Variants in RPS6KA5 observed in about 807,000 individuals in gnomAD.
RPS6KA5 encodes ribosomal protein S6 kinase alpha-5.
A neutral mutation model predicts 85.5 loss-of-function variants in RPS6KA5; 27 were observed. That is an observed-to-expected ratio of 0.32 (90% CI 0.23 to 0.44). RPS6KA5 has a LOEUF of 0.44. Ranked by LOEUF, RPS6KA5 falls within the 20% of genes least tolerant of loss-of-function variation. The pLI is 1.00. For synonymous variants in RPS6KA5, 334 were observed against 348.2 expected (o/e 0.96, Z 0.46); for missense variants, 811 against 980.9 (o/e 0.83, Z 2.31).
At chr14:90,992,872 T>C (rs1218901060) in intron 2 of RPS6KA5, among the ~76,000 whole-genome samples, 4 of 152,358 alleles carry the variant, frequency 2.6e-5, no homozygotes, top group East Asian at 1.9e-4. Flanking sequence ...CTGTGCATGT[T>C]AAACTTTGAG....
At chr14:91,014,302 AC>A (rs1335724256) in intron 1 of RPS6KA5, among the ~76,000 whole-genome samples, 1 of 152,164 alleles carries the variant, frequency 6.6e-6, no homozygotes, top group Non-Finnish European at 1.5e-5. Context: ...AGAGGTCGAG[AC>A]CATCCTAGCC....
intron 9 of RPS6KA5, 147 bp downstream of exon 9, chr14:90,902,661 G>C (rs1174263337): frequency 1.6e-6 from 1 of 618,642 alleles, no homozygotes; most frequent in Non-Finnish European, 2.6e-6. Context: ...GGTTAACAAT[G>C]TGCAATATTT....
chr14:91,000,594 C>G (rs35740021), intron 2 of RPS6KA5, among the ~76,000 whole-genome samples: 1 of 152,038 alleles, frequency 6.6e-6, no homozygotes. Flanking sequence ...GTCAGGAGTT[C>G]GAGACCAACC....
rs143782278 is a variant in RPS6KA5, at chr14:91,011,215, C to T, written c.104-10056G>A. The stretch of plus-strand genomic sequence containing the variant: ...TGGAAACTAAAAAACAGGCCAGGCA[C>T]GGTGGCTCATGCCTGTAATCCAAGC... On this transcript the variant is annotated intron_variant, in intron 1 of 16. Coordinates refer to ENST00000614987, the MANE Select transcript of RPS6KA5 (RefSeq NM_004755.4). Among the ~76,000 whole-genome samples the T allele has an allele frequency of 7.2e-3, 1,100 of 152,222 alleles. 9 individuals carry two copies. Among genetic ancestry groups the T allele is most frequent in the Middle Eastern group, 0.024 (7 of 294 alleles).
intron 4 of RPS6KA5, among the ~76,000 whole-genome samples, chr14:90,944,794 G>A (rs913990971): frequency 2.0e-5 from 3 of 150,928 alleles, no homozygotes; most frequent in African/African-American, 7.3e-5. Context: ...TGGCACACAT[G>A]TAGTCCTAGA....
Position 90,872,174 on chromosome 14 carries a change from G to GA in RPS6KA5, c.2308dup (p.Ser770PhefsTer4). 6.2e-7 allele frequency: 1 copy of GA among 1,613,900 alleles called. No homozygotes were observed. The highest frequency in any genetic ancestry group is 1.1e-5 in the South Asian group (1 of 91,028). ...CTTGGTGGGTGTAGTTTTACCGTGAGAATGAGAGGAAGAAGAATGGGAACT... is the reference window on the plus strand; with the variant it reads ...CTTGGTGGGTGTAGTTTTACCGTGAGAAATGAGAGGAAGAAGAATGGGAACT... On this transcript the variant is annotated frameshift_variant, in exon 17 of 17. Transcript: ENST00000614987. LOFTEE classifies it high-confidence loss of function.
At chr14:91,028,051 C>T (rs1394668630) in intron 1 of RPS6KA5, among the ~76,000 whole-genome samples, 1 of 152,188 alleles carries the variant, frequency 6.6e-6, no homozygotes, top group Admixed American at 6.5e-5. Flanking sequence ...TAATGAAATT[C>T]AAACGACATG....
rs192602517 is a variant in RPS6KA5, at chr14:90,867,813, T to C, written c.*4261A>G. 28 of 152,304 alleles carry C rather than the reference T, an allele frequency of 1.8e-4. No homozygotes were observed. The East Asian group carries it at 4.2e-3, about 23-fold the overall frequency. 9.4% of individuals were successfully genotyped at this position (152,304 alleles called of 1,614,324 possible). On this transcript the variant is annotated 3_prime_UTR_variant, in exon 17 of 17. Coordinates refer to ENST00000614987, the MANE Select transcript of RPS6KA5 (RefSeq NM_004755.4). ...TTCTTATTCCTTTTCACCCTAATAG[T>C]AGGAAAATATTAGGCACCTACTTAA... is the stretch of plus-strand genomic sequence containing the variant.
intron 3 of RPS6KA5, among the ~76,000 whole-genome samples, chr14:90,973,797 G>T (rs1199377394): frequency 6.6e-6 from 1 of 152,088 alleles, no homozygotes; most frequent in Non-Finnish European, 1.5e-5. Flanking sequence ...AGCACTTTGG[G>T]AGGCCAAGGC....
rs2032578121 is a variant in RPS6KA5 at position 90,861,966 on chromosome 14, G to A, written c.*10108C>T. 1 of 150,628 alleles carries A rather than the reference G, an allele frequency of 6.6e-6. No individual in the cohort carries two copies. The highest frequency in any genetic ancestry group is 2.4e-5 in the African/African-American group (1 of 41,022). The allele number at this position is 150,628 out of a possible 1,614,324, so 9.3% of individuals were successfully genotyped here. On this transcript the variant is annotated 3_prime_UTR_variant, in exon 17 of 17. Transcript: ENST00000614987. ...TCCTGCATTGTTGGGAAGTGGTAAT[G>A]TACCAATTTAAGGCAGCAAGTCAAA...
chr14:90,900,143 A>G lies in RPS6KA5; in HGVS notation c.1344T>C (p.Ser448=). Residue 448 remains serine (S), a synonymous_variant, in exon 11 of 17, where the codon AGT becomes AGC. Coordinates refer to ENST00000614987, the MANE Select transcript of RPS6KA5 (RefSeq NM_004755.4). Reference sequence around the variant, plus strand: ...TTATTTTGACTGCAAAAGCTTGGTTACTTTTTTTATGCACACACTTTCGAC... The same window carrying G: ...TTATTTTGACTGCAAAAGCTTGGTTGCTTTTTTTATGCACACACTTTCGAC... The part of the protein sequence containing the change: ...SICRKCVHKK[S]NQAFAVKIIS... 3 of 1,604,878 alleles carry G rather than the reference A, an allele frequency of 1.9e-6. No individual in the cohort carries two copies. Among genetic ancestry groups the G allele is most frequent in the Non-Finnish European group, 2.6e-6 (3 of 1,175,082 alleles).
At chr14:91,048,451 T>G (rs2042953235) in intron 1 of RPS6KA5, among the ~76,000 whole-genome samples, 1 of 152,148 alleles carries the variant, frequency 6.6e-6, no homozygotes, top group Non-Finnish European at 1.5e-5. Flanking sequence ...GAACTTTACT[T>G]CCTCATTCTC....
At chr14:91,041,398 A>G (rs895926984) in intron 1 of RPS6KA5, among the ~76,000 whole-genome samples, 2 of 152,242 alleles carry the variant, frequency 1.3e-5, no homozygotes, top group Admixed American at 1.3e-4. Flanking sequence ...AGAGAGAAAA[A>G]AATCTTTTTC....
At position 90,863,851 on chromosome 14, in the gene RPS6KA5, C is replaced by T. The variant is rs541134162; in HGVS notation, c.*8223G>A. On this transcript the variant is annotated 3_prime_UTR_variant, in exon 17 of 17. Transcript: ENST00000614987. The stretch of plus-strand genomic sequence containing the variant: ...ACATTCAATGCAATACCAATTAAAC[C>T]CTAACATCCTCTGCCCCCAAAACTA... 66 of 152,186 alleles carry T rather than the reference C, an allele frequency of 4.3e-4. No individual in the cohort carries two copies. The highest frequency in any genetic ancestry group is 1.5e-3 in the African/African-American group (62 of 41,530). 9.4% of individuals were successfully genotyped at this position (152,186 alleles called of 1,614,324 possible). A position where few individuals can be genotyped will look rare whatever the true frequency, so the allele number is the denominator to read the frequency against.
chr14:90,933,239 T>A (rs1001720872), intron 5 of RPS6KA5, among the ~76,000 whole-genome samples: 1 of 152,134 alleles, frequency 6.6e-6, no homozygotes, highest in African/African-American at 2.4e-5. Flanking sequence ...AGACCAGACT[T>A]CTCTCCCAAA....
In RPS6KA5 at chr14:91,008,603, T is replaced by C. The variant is rs2041130047; in HGVS notation, c.104-7444A>G. Among the ~76,000 whole-genome samples, 10 of 152,314 alleles carry C rather than the reference T, an allele frequency of 6.6e-5. No individual in the cohort carries two copies. In the South Asian group the frequency reaches 1.9e-3, roughly 28 times the overall value. On this transcript the variant is annotated intron_variant, in intron 1 of 16. Transcript: ENST00000614987. The stretch of plus-strand genomic sequence containing the variant: ...AGAGGATGGCTGGGAAATTCTGTAC[T>C]GGAAGAACAGCTGGGGCAAAGGTAT...
chr14:90,912,206 T>A (rs1262293021), intron 7 of RPS6KA5, among the ~76,000 whole-genome samples: 1 of 152,240 alleles, frequency 6.6e-6, no homozygotes, highest in Non-Finnish European at 1.5e-5. Flanking sequence ...TAAATGTTCT[T>A]AGGACAAGGA....
chr14:90,974,253 GT>G (rs1566813543), intron 3 of RPS6KA5, among the ~76,000 whole-genome samples: 1 of 152,020 alleles, frequency 6.6e-6, no homozygotes. Context: ...AGCTCAAAAC[GT>G]TTAAGTTTAA....
At chr14:91,021,991 G>A (rs1595491997) in intron 1 of RPS6KA5, among the ~76,000 whole-genome samples, 1 of 152,228 alleles carries the variant, frequency 6.6e-6, no homozygotes, top group South Asian at 2.1e-4. Context: ...CATGAACAGA[G>A]CTAGGACATA....
Sources: allele counts gnomAD v4.1 joint callset (sites outside exome capture counted in the v4.1 genomes callset), GRCh38; gene constraint gnomAD v4.1.1; transcripts MANE v1.5; gene names NCBI Gene and HGNC (gene_info 2026-07-23, HGNC 2026-07-21).